GNB3: variants seen among roughly 807,000 people sequenced by gnomAD.
GNB3 encodes the protein G protein subunit beta 3.
A neutral mutation model predicts 41.2 loss-of-function variants in GNB3; 33 were observed. That is an observed-to-expected ratio of 0.80 (90% CI 0.61 to 1.07). The LOEUF (loss-of-function observed/expected upper bound fraction) is 1.07, where lower values mean the gene tolerates loss of function less well. Ranked by LOEUF, GNB3 falls within the 50% of genes least tolerant of loss-of-function variation. The pLI is 0.00. For synonymous variants in GNB3, 172 were observed against 173.4 expected (o/e 0.99, Z 0.06); for missense variants, 409 against 455.3 (o/e 0.90, Z 0.92).
chr12:6,844,621 A>G (rs1591591013), intron 8 of GNB3, among the ~76,000 whole-genome samples: 1 of 152,112 alleles, frequency 6.6e-6, no homozygotes, highest in African/African-American at 2.4e-5. Context: ...GGTTCCCACT[A>G]TGTTGCCCAG....
In GNB3 at chr12:6,847,276, CCT is replaced by C. The variant is rs1555124990; in HGVS notation, c.*379_*380del. The stretch of plus-strand genomic sequence containing the variant: ...GCCTGGGTGGTATAGGGCGTTTGGC[CCT>C]GTGACTATGGCTCTGGCACCACTAG... On this transcript the variant is annotated 3_prime_UTR_variant, in exon 10 of 10. Transcript: ENST00000229264. 1 of 245,634 alleles carries C rather than the reference CCT, an allele frequency of 4.1e-6. No individual in the cohort carries two copies. Among genetic ancestry groups the C allele is most frequent in the Non-Finnish European group, 8.0e-6 (1 of 125,180 alleles). 15.2% of individuals were successfully genotyped at this position (245,634 alleles called of 1,614,324 possible).
intron 9 of GNB3, chr12:6,846,021 C>T (rs1943689840): frequency 1.8e-6 from 1 of 561,314 alleles, no homozygotes; most frequent in East Asian, 3.0e-5. Context: ...CTGCCCAATG[C>T]CATGACTGCT....
intron 9 of GNB3, 176 bp from the exon 10 acceptor site, chr12:6,846,616 C>CACAT: frequency 1.8e-6 from 1 of 556,032 alleles, no homozygotes; most frequent in Non-Finnish European, 3.3e-6. Flanking sequence ...TGCTCAAGCA[C>CACAT]ACATGCACAC....
intron 9 of GNB3, chr12:6,846,425 T>G: frequency 5.3e-6 from 1 of 188,344 alleles, no homozygotes; most frequent in Non-Finnish European, 1.1e-5. Flanking sequence ...CCTGTCAAGG[T>G]GCCCTCGGGT....
At chr12:6,845,295 C>T (rs1051466687) in intron 8 of GNB3, 8 of 384,846 alleles carry the variant, frequency 2.1e-5, no homozygotes, top group African/African-American at 4.0e-5. Flanking sequence ...AACCTCCGTC[C>T]GCCCTTCTAG....
rs1943574963 is a variant in GNB3 at position 6,841,589 on chromosome 12, G to A, written c.61G>A (p.Ala21Thr). The change falls in exon 3 of 10, where the codon GCC (alanine) becomes ACC (threonine). Residue 21 changes from alanine to threonine, a missense_variant. Ala to Thr is a moderately conservative substitution (Grantham distance 58). Transcript: ENST00000229264. ...AEQLKKQIAD[A>T]RKACADVTLA... is the part of the protein sequence containing the mutation. ...CTGATGTCTGCTTTCCCTGCAGGAT[G>A]CCAGGAAAGCCTGTGCTGACGTTAC... The A allele has an allele frequency of 6.2e-7, 1 of 1,613,550 alleles. No homozygotes were observed. The highest frequency in any genetic ancestry group is 8.5e-7 in the Non-Finnish European group (1 of 1,179,610).
chr12:6,841,916 GC>G, intron 3 of GNB3: 2 of 594,598 alleles, frequency 3.4e-6, no homozygotes, highest in South Asian at 1.6e-5. Flanking sequence ...AAATTATAAA[GC>G]CCTTGTAGAC....
At chr12:6,841,759 G>A (rs899740726) in intron 3 of GNB3, 135 bp downstream of exon 3, 10 of 738,068 alleles carry the variant, frequency 1.4e-5, no homozygotes, top group African/African-American at 9.4e-5. Context: ...TAATTCATTC[G>A]ACCAACATTT....
chr12:6,842,646 A>T (rs781803580), intron 3 of GNB3, among the ~76,000 whole-genome samples: 1 of 152,192 alleles, frequency 6.6e-6, no homozygotes, highest in African/African-American at 2.4e-5. Flanking sequence ...ATCTCTTCCC[A>T]AATCTGTTTC....
chr12:6,842,795 G>T (rs989207299), intron 3 of GNB3, among the ~76,000 whole-genome samples, 175 bp from the exon 4 acceptor site: 1 of 152,188 alleles, frequency 6.6e-6, no homozygotes, highest in Non-Finnish European at 1.5e-5. Flanking sequence ...GGCCATGCAT[G>T]CATCTCTTTC....
chr12:6,845,722 C>T lies in GNB3; in HGVS notation c.836C>T (p.Ser279Phe), dbSNP rs782181398. The T allele has an allele frequency of 1.9e-6, 3 of 1,614,030 alleles. No individual in the cohort carries two copies. Among genetic ancestry groups the T allele is most frequent in the Non-Finnish European group, 2.5e-6 (3 of 1,179,878 alleles). ...TGCGGCATCACGTCCGTGGCCTTCT[C>T]CCTCAGTGGCCGCCTACTATTCGCT... ...IICGITSVAF[S>F]LSGRLLFAGY... Residue 279 changes from serine to phenylalanine, a missense_variant, in exon 9 of 10, where the codon TCC (serine) becomes TTC (phenylalanine). Physicochemically the swap from Ser to Phe is radical, Grantham distance 155. Transcript: ENST00000229264.
At position 6,844,091 on chromosome 12, in the gene GNB3, G is replaced by GTCTTTTTTTTTTTTTTTTT. The variant is rs1432718669; in HGVS notation, c.699+114_699+115insCTTTTTTTTTTTTTTTTTT. 3.2e-5 allele frequency: 8 copies of GTCTTTTTTTTTTTTTTTTT among 253,438 alleles called. 3 individuals carry two copies. Among genetic ancestry groups the GTCTTTTTTTTTTTTTTTTT allele is most frequent in the African/African-American group, 2.1e-4 (5 of 23,258 alleles). The allele number at this position is 253,438 out of a possible 1,614,324, so 15.7% of individuals were successfully genotyped here. On this transcript the variant is annotated intron_variant, in intron 8 of 9. Transcript: ENST00000229264. Reference sequence around the variant, plus strand: ...ATAGCTTCCCTAGCCCTTTCTTACTGTATTTTTTTTTTTTTTTTTTTTTTT... The same window carrying GTCTTTTTTTTTTTTTTTTT: ...ATAGCTTCCCTAGCCCTTTCTTACTGTCTTTTTTTTTTTTTTTTTTATTTTTTTTTTTTTTTTTTTTTTT...
chr12:6,845,850 C>T lies in GNB3; in HGVS notation c.916+48C>T, dbSNP rs1555124579. The stretch of plus-strand genomic sequence containing the variant: ...GCTTCCTCAGCTGGAAGGACCCTCC[C>T]CAGCCCTCCCTCCCCATTCTGTACC... On this transcript the variant is annotated intron_variant, in intron 9 of 9. Transcript: ENST00000229264. 6.1e-6 allele frequency: 8 copies of T among 1,307,274 alleles called. No individual in the cohort carries two copies. In the South Asian group the frequency reaches 9.5e-5, roughly 15 times the overall value. The allele number at this position is 1,307,274 out of a possible 1,614,324, so 81.0% of individuals were successfully genotyped here.
chr12:6,843,618 C>T lies in GNB3; in HGVS notation c.431-14C>T. On this transcript the variant is annotated splice_polypyrimidine_tract_variant and intron_variant, in intron 6 of 9. Coordinates refer to ENST00000229264, the MANE Select transcript of GNB3 (RefSeq NM_002075.4). The surrounding 1 kb of genome is among the most constrained non-coding windows in gnomAD (Gnocchi z 5.9). ...GCTCTGCAGCCAGGGCACTGTCCTTCTAACCGCCTCCAGGTTATCTCTCCT... is the reference window on the plus strand; with the variant it reads ...GCTCTGCAGCCAGGGCACTGTCCTTTTAACCGCCTCCAGGTTATCTCTCCT... 6.2e-7 allele frequency: 1 copy of T among 1,614,114 alleles called. No individual in the cohort carries two copies.
At position 6,841,518 on chromosome 12, in the gene GNB3, C is replaced by T. The variant is rs1052437296; in HGVS notation, c.58-68C>T. On this transcript the variant is annotated intron_variant, in intron 2 of 9. Coordinates refer to ENST00000229264, the MANE Select transcript of GNB3 (RefSeq NM_002075.4). ...GCCCCAGAGCCCCAAGACCAACCTGCCCTGAAGGCCCATGCACCTGCCACC... is the reference window on the plus strand; with the variant it reads ...GCCCCAGAGCCCCAAGACCAACCTGTCCTGAAGGCCCATGCACCTGCCACC... 2.9e-6 allele frequency: 4 copies of T among 1,373,070 alleles called. No homozygotes were observed. In the African/African-American group the frequency reaches 5.7e-5, roughly 20 times the overall value. The allele number at this position is 1,373,070 out of a possible 1,614,324, so 85.1% of individuals were successfully genotyped here.
At chr12:6,844,097 T>G in intron 8 of GNB3, 119 bp downstream of exon 8, 4 of 471,594 alleles carry the variant, frequency 8.5e-6, no homozygotes, top group Admixed American at 4.3e-5. Flanking sequence ...TACTGTATTT[T>G]TTTTTTTTTT....
At position 6,843,324 on chromosome 12, in the gene GNB3, G is replaced by T; in HGVS notation, c.268-39G>T. 1 of 1,612,746 alleles carries T rather than the reference G, an allele frequency of 6.2e-7. No individual in the cohort carries two copies. The stretch of plus-strand genomic sequence containing the variant: ...CCTCCTGTGCCCAGCTGGGAGCTTG[G>T]CTCCGGTCCCATCTCTGCTCAAACC... On this transcript the variant is annotated intron_variant, in intron 5 of 9. Transcript: ENST00000229264. The surrounding 1 kb of genome is among the most constrained non-coding windows in gnomAD (Gnocchi z 5.9).
In GNB3 at chr12:6,846,966, AT is replaced by A. The variant is rs1241604940; in HGVS notation, c.*70del. The A allele has an allele frequency of 9.3e-6, 8 of 863,630 alleles. No homozygotes were observed. The highest frequency in any genetic ancestry group is 1.1e-5 in the Non-Finnish European group (6 of 524,496). 53.5% of individuals were successfully genotyped at this position (863,630 alleles called of 1,614,324 possible). A position where few individuals can be genotyped will look rare whatever the true frequency, so the allele number is the denominator to read the frequency against. The stretch of plus-strand genomic sequence containing the variant: ...GCAGCCCCCTGCCCGACCCCATCTC[AT>A]TCAGGTGTTCTCTTCTATATTCCGG... On this transcript the variant is annotated 3_prime_UTR_variant, in exon 10 of 10. Transcript: ENST00000229264.
Position 6,843,570 on chromosome 12 carries a change from CCCTGGGCTT to C in GNB3, c.430+48_431-51del, listed in dbSNP as rs1555123874. On this transcript the variant is annotated intron_variant, in intron 6 of 9. Transcript: ENST00000229264. The surrounding 1 kb of genome is among the most constrained non-coding windows in gnomAD (Gnocchi z 5.9). ...CTCCCCTCCTGAGGGGTTCAGGGAA[CCCTGGGCTT>C]CCAGTGGGCTGTGGCTCTGCAGCCA... The C allele has an allele frequency of 1.2e-6, 2 of 1,611,904 alleles. No homozygotes were observed. Among genetic ancestry groups the C allele is most frequent in the African/African-American group, 2.7e-5 (2 of 74,994 alleles).
Sources: allele counts gnomAD v4.1 joint callset (sites outside exome capture counted in the v4.1 genomes callset), GRCh38; gene constraint gnomAD v4.1.1; non-coding constraint Gnocchi (gnomAD v3.1); transcripts MANE v1.5; gene names NCBI Gene and HGNC (gene_info 2026-07-23, HGNC 2026-07-21).